The following NFASC variants were observed in gnomAD, a reference collection of about 807,000 sequenced individuals.
NFASC encodes the protein neurofascin homolog.
A neutral mutation model predicts 147.5 loss-of-function variants in NFASC; 43 were observed. The ratio of observed to expected loss-of-function variants is 0.29; its 90% CI spans 0.23 to 0.38. The LOEUF (loss-of-function observed/expected upper bound fraction) is 0.38. Ranked by LOEUF, NFASC falls within the 10% of genes least tolerant of loss-of-function variation. NFASC has a pLI of 1.00. For synonymous variants in NFASC, 622 were observed against 665.5 expected (o/e 0.93, Z 1.01); for missense variants, 1,320 against 1,689.0 (o/e 0.78, Z 3.83).
At chr1:204,882,203 C>A (rs1424194398) in intron 1 of NFASC, among the ~76,000 whole-genome samples, 2 of 152,070 alleles carry the variant, frequency 1.3e-5, no homozygotes, top group Admixed American at 6.5e-5. Flanking sequence ...TAATTTTTTT[C>A]TTTAACATTT....
intron 1 of NFASC, among the ~76,000 whole-genome samples, chr1:204,897,890 C>A (rs1365631055): frequency 1.3e-5 from 2 of 152,182 alleles, no homozygotes; most frequent in African/African-American, 4.8e-5. Context: ...TGCGTGCCAC[C>A]ACGCCCAGCT....
chr1:204,985,848 C>T, intron 21 of NFASC: 1 of 1,072,366 alleles, frequency 9.3e-7, no homozygotes, highest in Non-Finnish European at 1.4e-6. Context: ...ACTACCACCA[C>T]CACTAACAAC....
chr1:204,874,151 C>A (rs2103069328), intron 1 of NFASC, among the ~76,000 whole-genome samples: 1 of 152,304 alleles, frequency 6.6e-6, no homozygotes, highest in East Asian at 1.9e-4. Flanking sequence ...CCTTTGTTCC[C>A]CTTCGTTCCT....
intron 2 of NFASC, among the ~76,000 whole-genome samples, chr1:204,922,760 A>G (rs2090746640): frequency 6.6e-6 from 1 of 152,218 alleles, no homozygotes; most frequent in South Asian, 2.1e-4. Context: ...AGACACACAG[A>G]GGAACCTTAA....
chr1:204,945,814 C>A (rs2093689064), intron 3 of NFASC, among the ~76,000 whole-genome samples: 1 of 152,152 alleles, frequency 6.6e-6, no homozygotes, highest in African/African-American at 2.4e-5. Context: ...AATAAGGAGC[C>A]TGGTAAGGCC....
At chr1:204,993,872 T>C (rs2095794111) in intron 24 of NFASC, 2 of 473,540 alleles carry the variant, frequency 4.2e-6, no homozygotes, top group Admixed American at 4.5e-5. Flanking sequence ...TGAAATAATC[T>C]GAATCTCCTT....
intron 1 of NFASC, among the ~76,000 whole-genome samples, chr1:204,883,896 A>G (rs2080810801): frequency 6.6e-6 from 1 of 152,132 alleles, no homozygotes; most frequent in African/African-American, 2.4e-5. Flanking sequence ...AAGATCTGAG[A>G]CCTGAACCCG....
intron 1 of NFASC, among the ~76,000 whole-genome samples, chr1:204,912,588 A>G (rs1333740233): frequency 1.3e-5 from 2 of 152,120 alleles, no homozygotes; most frequent in Non-Finnish European, 2.9e-5. Context: ...CTGTGGTCCC[A>G]GCTGCTCAGG....
intron 24 of NFASC, among the ~76,000 whole-genome samples, chr1:204,991,542 A>G (rs1276259977): frequency 6.6e-6 from 1 of 152,184 alleles, no homozygotes; most frequent in African/African-American, 2.4e-5. Context: ...GAGTAGGAGA[A>G]TGGCTCAGCA....
intron 24 of NFASC, among the ~76,000 whole-genome samples, chr1:204,993,142 G>A (rs940121736): frequency 1.3e-5 from 2 of 152,204 alleles, no homozygotes; most frequent in Non-Finnish European, 2.9e-5. Flanking sequence ...GCCCACTGCT[G>A]TCTTCCCTCT....
chr1:204,998,111 G>C (rs72753466), intron 25 of NFASC: 1 of 153,366 alleles, frequency 6.5e-6, no homozygotes, highest in African/African-American at 2.4e-5. Flanking sequence ...GGTAAGAATC[G>C]ATCCCAGGGC....
At position 204,968,338 on chromosome 1, in the gene NFASC, C is replaced by G. The variant is rs2095069409; in HGVS notation, c.796C>G (p.Leu266Val). The G allele has an allele frequency of 6.2e-7, 1 of 1,613,878 alleles. No homozygotes were observed. Among genetic ancestry groups the G allele is most frequent in the Non-Finnish European group, 8.5e-7 (1 of 1,179,850 alleles). ...GGTGCTTCGTGGCATGGACCTCCTG[C>G]TGGAATGCATCGCCTCCGGGGTGTA... ...QMVLRGMDLL[L>V]ECIASGVPTP... Residue 266 changes from leucine to valine, a missense_variant, in exon 9 of 30, where the codon CTG becomes GTG. Physicochemically the swap from Leu to Val is conservative, Grantham distance 32. Coordinates refer to ENST00000339876, the MANE Select transcript of NFASC (RefSeq NM_001005388.3). This position sits in a 1 kb window ranked among gnomAD's most constrained non-coding sequence, Gnocchi z 5.4.
intron 1 of NFASC, among the ~76,000 whole-genome samples, chr1:204,833,314 G>GA (rs1419585900): frequency 6.6e-6 from 1 of 152,206 alleles, no homozygotes; most frequent in African/African-American, 2.4e-5. Flanking sequence ...TGGTTTTACA[G>GA]AAAATGACAG....
chr1:205,005,773 C>G (rs942732276), intron 27 of NFASC, among the ~76,000 whole-genome samples: 4 of 152,216 alleles, frequency 2.6e-5, no homozygotes, highest in Non-Finnish European at 5.9e-5. Context: ...CCAGATCCCA[C>G]TTGGTTTTGA....
chr1:204,852,485 G>A (rs1432159633), intron 1 of NFASC, among the ~76,000 whole-genome samples: 1 of 152,234 alleles, frequency 6.6e-6, no homozygotes, highest in Non-Finnish European at 1.5e-5. Flanking sequence ...GGGTGACAGA[G>A]TGAAACTCCG....
chr1:204,855,776 AC>A (rs2076102304), intron 1 of NFASC, among the ~76,000 whole-genome samples: 1 of 152,086 alleles, frequency 6.6e-6, no homozygotes, highest in East Asian at 1.9e-4. Context: ...GGAGTTTTAG[AC>A]CCAGAATCCC....
Position 204,954,096 on chromosome 1 carries a change from G to A in NFASC, c.216-92G>A. 2 of 1,159,916 alleles carry A rather than the reference G, an allele frequency of 1.7e-6. No homozygotes were observed. Among genetic ancestry groups the A allele is most frequent in the Non-Finnish European group, 2.5e-6 (2 of 786,372 alleles). The allele number at this position is 1,159,916 out of a possible 1,614,324, so 71.9% of individuals were successfully genotyped here. On this transcript the variant is annotated intron_variant, in intron 5 of 29. Coordinates refer to ENST00000339876, the MANE Select transcript of NFASC (RefSeq NM_001005388.3). This position sits in a 1 kb window ranked among gnomAD's most constrained non-coding sequence, Gnocchi z 5.7. ...GATGGGACTGAGAGAGGGAATTTTG[G>A]TACTGAGCCAGGGACTAGGGATCTG...
intron 25 of NFASC, 56 bp from the exon 26 acceptor site, chr1:205,001,114 T>C: frequency 2.0e-6 from 2 of 1,008,166 alleles, no homozygotes. Flanking sequence ...TGTGTCTCCA[T>C]ATCTCTGGTG....
intron 1 of NFASC, among the ~76,000 whole-genome samples, chr1:204,834,551 G>A (rs1047955453): frequency 2.0e-5 from 3 of 151,930 alleles, no homozygotes; most frequent in Admixed American, 1.3e-4. Flanking sequence ...CTCCCCTCCC[G>A]GGCTGGCCCA....
Sources: gnomAD v4.1 joint callset for allele counts (sites outside exome capture counted in the v4.1 genomes callset) on GRCh38, gnomAD v4.1.1 for gene constraint, Gnocchi (gnomAD v3.1) non-coding constraint, MANE v1.5 for transcripts, NCBI Gene and HGNC (gene_info 2026-07-23, HGNC 2026-07-21) for gene names.